The following MTCL2 variants were observed in gnomAD, a reference collection of about 807,000 sequenced individuals.
MTCL2 encodes microtubule crosslinking factor 2, also known as microtubule cross-linking factor 2.
At chr20:36,788,481 A>G in the MTCL2 span, among the ~76,000 whole-genome samples, 2 of 152,016 alleles carry the variant, frequency 1.3e-5, no homozygotes, top group East Asian at 3.9e-4. Flanking sequence ...TACTAAAAAT[A>G]CAAAAAATTA....
At chr20:36,800,892 T>C in the MTCL2 span, among the ~76,000 whole-genome samples, 1 of 152,320 alleles carries the variant, frequency 6.6e-6, no homozygotes, top group Admixed American at 6.5e-5. Flanking sequence ...GCAAAGCCTT[T>C]CTAGAAGGCG....
chr20:36,841,892 T>G, the MTCL2 span, among the ~76,000 whole-genome samples: 12 of 150,326 alleles, frequency 8.0e-5, no homozygotes, highest in South Asian at 6.4e-4. Context: ...TGTGTGTGTG[T>G]GTGTGTGTGT....
At chr20:36,816,120 G>A in the MTCL2 span, 3 of 1,613,610 alleles carry the variant, frequency 1.9e-6, no homozygotes, top group Admixed American at 3.3e-5. Flanking sequence ...GGTCTCCCGC[G>A]AGTGGGGGGC....
At chr20:36,838,051 T>C in the MTCL2 span, among the ~76,000 whole-genome samples, 2 of 150,856 alleles carry the variant, frequency 1.3e-5, no homozygotes, top group African/African-American at 4.9e-5. Context: ...TACTTCTCTT[T>C]GTTTTTTTTT....
the MTCL2 span, among the ~76,000 whole-genome samples, chr20:36,790,391 G>T: frequency 1.4e-5 from 2 of 147,306 alleles, no homozygotes; most frequent in Admixed American, 1.4e-4. Flanking sequence ...GCCTCCCAAA[G>T]TGCTGGGATT....
the MTCL2 span, chr20:36,815,407 C>A: frequency 6.2e-7 from 1 of 1,613,206 alleles, no homozygotes; most frequent in Non-Finnish European, 8.5e-7. The surrounding 1 kb of genome is among the most constrained non-coding windows in gnomAD (Gnocchi z 5.3). Flanking sequence ...CGGAGGCCAG[C>A]CGTGAAGCCA....
the MTCL2 span, among the ~76,000 whole-genome samples, chr20:36,831,768 A>G: frequency 7.9e-5 from 12 of 152,216 alleles, no homozygotes; most frequent in Admixed American, 5.9e-4. Context: ...TCAGTATCAG[A>G]ACAAGGGCTT....
the MTCL2 span, among the ~76,000 whole-genome samples, chr20:36,808,240 C>A: frequency 7.3e-5 from 11 of 151,502 alleles, no homozygotes; most frequent in Admixed American, 3.3e-4. Context: ...CCTGTAATCC[C>A]AGCTACTCGG....
chr20:36,812,610 C>T, the MTCL2 span: 2 of 1,502,286 alleles, frequency 1.3e-6, no homozygotes, highest in Non-Finnish European at 1.8e-6. Context: ...CCCATATCCT[C>T]ACCAGCTAAG....
At chr20:36,829,025 T>C in the MTCL2 span, 5,064 of 1,519,002 alleles carry the variant, frequency 3.3e-3, 12 homozygotes, top group Non-Finnish European at 4.0e-3. Context: ...TGCCCTAGGC[T>C]GGCCCTGCTG....
At chr20:36,838,055 T>G in the MTCL2 span, among the ~76,000 whole-genome samples, 1 of 151,766 alleles carries the variant, frequency 6.6e-6, no homozygotes, top group African/African-American at 2.4e-5. Context: ...TCTCTTTGTT[T>G]TTTTTTTTTT....
At chr20:36,817,487 T>C in the MTCL2 span, 3 of 1,087,422 alleles carry the variant, frequency 2.8e-6, no homozygotes, top group African/African-American at 5.5e-5. Context: ...GAGATTTAAT[T>C]AAAAAAAAAA....
the MTCL2 span, among the ~76,000 whole-genome samples, chr20:36,836,084 C>T: frequency 1.3e-5 from 2 of 149,912 alleles, no homozygotes; most frequent in East Asian, 2.0e-4. Flanking sequence ...CACCACCCCC[C>T]ACCCCTCCCA....
the MTCL2 span, among the ~76,000 whole-genome samples, chr20:36,812,240 A>G: frequency 6.6e-6 from 1 of 152,132 alleles, no homozygotes; most frequent in Non-Finnish European, 1.5e-5. Context: ...ATGGCTTTTC[A>G]TGTATTTAAT....
the MTCL2 span, among the ~76,000 whole-genome samples, chr20:36,792,853 TAGATAGAC>T: frequency 0.035 from 4,871 of 140,854 alleles, 275 homozygotes; most frequent in African/African-American, 0.12. Flanking sequence ...GATAGATAGA[TAGATAGAC>T]AGACAGACAG....
chr20:36,848,142 CCT>C, the MTCL2 span, among the ~76,000 whole-genome samples: 1 of 152,134 alleles, frequency 6.6e-6, no homozygotes, highest in Non-Finnish European at 1.5e-5. Flanking sequence ...GAGTGAGACC[CCT>C]GTCTCTAAAT....
chr20:36,809,966 G>A, the MTCL2 span: 9 of 1,594,212 alleles, frequency 5.6e-6, no homozygotes, highest in East Asian at 4.6e-5. Flanking sequence ...CCTGGAAAGC[G>A]CTGGGCACCA....
the MTCL2 span, among the ~76,000 whole-genome samples, chr20:36,813,473 C>T: frequency 6.6e-6 from 1 of 151,806 alleles, no homozygotes; most frequent in Non-Finnish European, 1.5e-5. Context: ...ATGGCTCACA[C>T]CTGCAATCCC....
chr20:36,793,972 G>A, the MTCL2 span: 4 of 1,551,642 alleles, frequency 2.6e-6, no homozygotes, highest in Non-Finnish European at 3.5e-6. This position sits in a 1 kb window ranked among gnomAD's most constrained non-coding sequence, Gnocchi z 6.8. Context: ...CCACCGTCTG[G>A]CTGGATGTGC....
Sources: gnomAD v4.1 joint callset for allele counts (sites outside exome capture counted in the v4.1 genomes callset) on GRCh38, gnomAD v4.1.1 for gene constraint, Gnocchi (gnomAD v3.1) non-coding constraint, MANE v1.5 for transcripts, NCBI Gene and HGNC (gene_info 2026-07-23, HGNC 2026-07-21) for gene names.